NBAS: variants seen among roughly 807,000 people sequenced by gnomAD.
NBAS encodes NBAS subunit of NRZ tethering complex, also known as NAG/BC035112 fusion.
In NBAS, 219 loss-of-function variants were observed where a neutral mutation model predicts 302.5. That is an observed-to-expected ratio of 0.72 (90% CI 0.65 to 0.81). The LOEUF is 0.81. Among genes scored for constraint, NBAS ranks in the 30% least tolerant of loss-of-function variants. The pLI, the probability that NBAS is intolerant of heterozygous loss-of-function variation, is 0.00. For missense variants in NBAS, 2,932 were observed against 2,841.6 expected, an observed-to-expected ratio of 1.03 and a Z score of -0.72; for synonymous variants, 1,118 against 1,021.6, an observed-to-expected ratio of 1.09 and a Z score of -1.80.
the NBAS span, among the ~76,000 whole-genome samples, chr2:15,107,185 C>T: frequency 6.6e-6 from 1 of 152,104 alleles, no homozygotes; most frequent in Non-Finnish European, 1.5e-5. Context: ...TAGGATCTTA[C>T]TCCAATAGGA....
the NBAS span, among the ~76,000 whole-genome samples, chr2:15,052,239 G>A: frequency 6.6e-6 from 1 of 152,216 alleles, no homozygotes; most frequent in Non-Finnish European, 1.5e-5. Context: ...CCCAACAGCA[G>A]CTCTCTTTTC....
At chr2:14,819,574 A>G in the NBAS span, among the ~76,000 whole-genome samples, 3 of 152,264 alleles carry the variant, frequency 2.0e-5, no homozygotes, top group Non-Finnish European at 4.4e-5. Flanking sequence ...CAAGGACTTA[A>G]GTCAGATAAA....
the NBAS span, among the ~76,000 whole-genome samples, chr2:14,782,014 G>A: frequency 6.6e-6 from 1 of 152,058 alleles, no homozygotes; most frequent in South Asian, 2.1e-4. Context: ...GACCCACCAT[G>A]CCAGGCTGTG....
At chr2:15,349,051 C>T (rs892026506) in intron 35 of NBAS, among the ~76,000 whole-genome samples, 1 of 152,134 alleles carries the variant, frequency 6.6e-6, no homozygotes, top group African/African-American at 2.4e-5. Flanking sequence ...AGAGAGAAAA[C>T]TCTATAAAAT....
chr2:15,296,375 C>A (rs1022899121), intron 40 of NBAS, among the ~76,000 whole-genome samples: 2 of 152,056 alleles, frequency 1.3e-5, no homozygotes, highest in Non-Finnish European at 2.9e-5. Context: ...CCCGTTTCTA[C>A]TAAAAGTACC....
intron 50 of NBAS, 66 bp from the exon 51 acceptor site, chr2:15,179,182 T>C: frequency 8.7e-6 from 14 of 1,611,490 alleles, no homozygotes; most frequent in African/African-American, 1.3e-5. Context: ...CGGTTCTGGC[T>C]GGATCATTCC....
chr2:14,828,125 G>C, the NBAS span, among the ~76,000 whole-genome samples: 6 of 152,124 alleles, frequency 3.9e-5, no homozygotes, highest in South Asian at 6.2e-4. Context: ...TGAAACACTG[G>C]GTACAGCAGT....
the NBAS span, among the ~76,000 whole-genome samples, chr2:15,121,098 C>A: frequency 2.6e-5 from 4 of 152,200 alleles, no homozygotes; most frequent in South Asian, 4.1e-4. Context: ...GGATGGGATA[C>A]AATTATTTGT....
the NBAS span, among the ~76,000 whole-genome samples, chr2:15,115,670 C>T: frequency 1.1e-4 from 17 of 151,792 alleles, no homozygotes; most frequent in Non-Finnish European, 2.4e-4. Context: ...CCATGCTCAG[C>T]TAATTTTTTT....
At chr2:15,021,093 A>G in the NBAS span, among the ~76,000 whole-genome samples, 302 of 152,168 alleles carry the variant, frequency 2.0e-3, 4 homozygotes, top group African/African-American at 6.8e-3. Flanking sequence ...TTAGCCAGGC[A>G]TGTTGGCGGG....
intron 38 of NBAS, among the ~76,000 whole-genome samples, chr2:15,320,510 G>A (rs1671748867): frequency 6.6e-6 from 1 of 152,090 alleles, no homozygotes; most frequent in African/African-American, 2.4e-5. Context: ...AATCATCTCA[G>A]CCCAAAATCT....
chr2:14,995,084 A>C, the NBAS span, among the ~76,000 whole-genome samples: 1 of 152,026 alleles, frequency 6.6e-6, no homozygotes, highest in Admixed American at 6.6e-5. Flanking sequence ...TTATACTTTA[A>C]GTTTTAGGGT....
chr2:14,918,325 A>C, the NBAS span, among the ~76,000 whole-genome samples: 1 of 147,394 alleles, frequency 6.8e-6, no homozygotes, highest in East Asian at 2.0e-4. Flanking sequence ...AAAAAAAAAA[A>C]AAAAACAATG....
the NBAS span, among the ~76,000 whole-genome samples, chr2:15,076,277 T>C: frequency 6.6e-6 from 1 of 152,186 alleles, no homozygotes; most frequent in Admixed American, 6.5e-5. Flanking sequence ...GATCATGGAA[T>C]ATCTAACATA....
intron 35 of NBAS, among the ~76,000 whole-genome samples, chr2:15,341,849 T>C (rs1291070145): frequency 1.3e-5 from 2 of 152,176 alleles, no homozygotes; most frequent in African/African-American, 4.8e-5. Flanking sequence ...TTTCCTTCTT[T>C]GGTCAGACCT....
chr2:14,804,147 G>A, the NBAS span, among the ~76,000 whole-genome samples: 1 of 152,166 alleles, frequency 6.6e-6, no homozygotes, highest in Non-Finnish European at 1.5e-5. Flanking sequence ...CCAAAGAATG[G>A]TGAAAAATTT....
At chr2:14,971,597 A>C in the NBAS span, among the ~76,000 whole-genome samples, 1 of 152,090 alleles carries the variant, frequency 6.6e-6, no homozygotes, top group African/African-American at 2.4e-5. Context: ...TTCTTCCACC[A>C]CCACCATCAA....
In NBAS at chr2:15,504,028, A is replaced by G. The variant is rs537549641; in HGVS notation, c.954+117T>C. 3.0e-4 allele frequency: 233 copies of G among 786,080 alleles called. No homozygotes were observed. The African/African-American group carries it at 3.5e-3, about 12-fold the overall frequency. The allele number at this position is 786,080 out of a possible 1,614,324, so 48.7% of individuals were successfully genotyped here. ...TAATGCATATAGCCACATAGTGTATATGAATACACTCAGATGAAGATACAA... is the reference window on the plus strand; with the variant it reads ...TAATGCATATAGCCACATAGTGTATGTGAATACACTCAGATGAAGATACAA... On this transcript the variant is annotated intron_variant, in intron 11 of 51. Transcript: ENST00000281513.
At chr2:15,102,391 C>G in the NBAS span, among the ~76,000 whole-genome samples, 2 of 152,162 alleles carry the variant, frequency 1.3e-5, no homozygotes, top group African/African-American at 4.8e-5. Flanking sequence ...TGCCTCATCC[C>G]AATTAGGCAA....
Sources: allele counts gnomAD v4.1 joint callset (sites outside exome capture counted in the v4.1 genomes callset), GRCh38; gene constraint gnomAD v4.1.1; transcripts MANE v1.5; gene names NCBI Gene and HGNC (gene_info 2026-07-23, HGNC 2026-07-21).